Variants in PLB1 observed in about 807,000 individuals in gnomAD.
The protein encoded by PLB1 is phospholipase B1.
Under a neutral mutation model 227.4 loss-of-function variants are expected in PLB1, and 242 were observed. The ratio of observed to expected loss-of-function variants is 1.06; its 90% CI spans 0.96 to 1.18. The LOEUF (loss-of-function observed/expected upper bound fraction) is 1.18, where lower values mean the gene tolerates loss of function less well. Among genes scored for constraint, PLB1 ranks in the 50% most tolerant of loss-of-function variants. The pLI is 0.00. For missense variants in PLB1, 1,858 were observed against 1,816.3 expected (o/e 1.02, Z -0.42); for synonymous variants, 757 against 682.2 (o/e 1.11, Z -1.71).
In PLB1 at chr2:28,589,276, CTGATCTAAAATGTAAA is replaced by C. The variant is rs915376050; in HGVS notation, c.1816-157_1816-142del. Among the ~76,000 whole-genome samples, 12 of 152,262 alleles carry C rather than the reference CTGATCTAAAATGTAAA, an allele frequency of 7.9e-5. No individual in the cohort carries two copies. In the South Asian group the frequency reaches 2.1e-3, roughly 26 times the overall value. On this transcript the variant is annotated intron_variant, in intron 26 of 57. Coordinates refer to ENST00000327757, the MANE Select transcript of PLB1 (RefSeq NM_153021.5). ...TTGGGGCCAGGGGTTGAGATAAAGG[CTGATCTAAAATGTAAA>C]TGATCTAAAATGTAAAATCTCAGTT...
intron 52 of PLB1, among the ~76,000 whole-genome samples, chr2:28,628,864 C>T (rs1688189788): frequency 6.6e-6 from 1 of 152,190 alleles, no homozygotes; most frequent in African/African-American, 2.4e-5. Flanking sequence ...CAGGTTTGCG[C>T]CCAGCACTGT....
rs1444570976 is a variant in PLB1 at position 28,601,280 on chromosome 2, T to C, written c.2555T>C (p.Val852Ala). The change falls in exon 37 of 58, where the codon GTC (valine) becomes GCC (alanine). Residue 852 changes from valine (V) to alanine (A), a missense_variant. Coordinates refer to ENST00000327757, the MANE Select transcript of PLB1 (RefSeq NM_153021.5). ...HRVNFHEDWKVITVLIGGSDL... is the reference protein window; with the variant it reads ...HRVNFHEDWKAITVLIGGSDL... Reference sequence around the variant, plus strand: ...GTAAATTTCCATGAAGACTGGAAGGTCATCACAGTGCTGATCGGAGGCAGC... The same window carrying C: ...GTAAATTTCCATGAAGACTGGAAGGCCATCACAGTGCTGATCGGAGGCAGC... 3.7e-6 allele frequency: 6 copies of C among 1,613,912 alleles called. No homozygotes were observed. Among genetic ancestry groups the C allele is most frequent in the Non-Finnish European group, 5.1e-6 (6 of 1,179,922 alleles).
In PLB1 at chr2:28,504,420, C is replaced by T. The variant is rs143443313; in HGVS notation, c.55+8251C>T. The stretch of plus-strand genomic sequence containing the variant: ...AAATAACTTTGGATTCCCATAAAAA[C>T]TTCAAGTTTGTCTTATTTTAAAAAA... On this transcript the variant is annotated intron_variant, in intron 1 of 57. Coordinates refer to ENST00000327757, the MANE Select transcript of PLB1 (RefSeq NM_153021.5). Among the ~76,000 whole-genome samples the T allele has an allele frequency of 7.1e-4, 108 of 152,162 alleles. 1 individual carries two copies. Among genetic ancestry groups the T allele is most frequent in the African/African-American group, 2.6e-3 (107 of 41,508 alleles).
chr2:28,591,555 C>G lies in PLB1; in HGVS notation c.2128-145C>G, dbSNP rs529043734. 1.2e-5 allele frequency: 9 copies of G among 755,930 alleles called. No homozygotes were observed. The East Asian group carries it at 2.4e-4, about 20-fold the overall frequency. 46.8% of individuals were successfully genotyped at this position (755,930 alleles called of 1,614,324 possible). ...CCGCTACGCAAAATCACCTAGGGAG[C>G]CTTCTTCAAAGGCCCTTTTGAGGCC... On this transcript the variant is annotated intron_variant, in intron 30 of 57. Transcript: ENST00000327757.
At chr2:28,562,486 G>A (rs1676199478) in intron 17 of PLB1, among the ~76,000 whole-genome samples, 1 of 121,052 alleles carries the variant, frequency 8.3e-6, no homozygotes, top group African/African-American at 3.2e-5. Flanking sequence ...AGGTTGTAGT[G>A]AGCCAAGATT....
chr2:28,605,522 ACT>A (rs574429813), intron 41 of PLB1, among the ~76,000 whole-genome samples: 28 of 151,500 alleles, frequency 1.8e-4, no homozygotes, highest in African/African-American at 6.3e-4. Flanking sequence ...CTGGGCTAAG[ACT>A]CTCTGCGGGA....
chr2:28,536,667 A>G (rs757428360), intron 9 of PLB1, among the ~76,000 whole-genome samples: 6 of 152,204 alleles, frequency 3.9e-5, no homozygotes, highest in Non-Finnish European at 7.3e-5. Flanking sequence ...CAGGGGGCAA[A>G]CGATACACAT....
intron 6 of PLB1, among the ~76,000 whole-genome samples, chr2:28,528,687 C>A (rs1053100179): frequency 1.3e-5 from 2 of 152,194 alleles, no homozygotes; most frequent in Admixed American, 1.3e-4. Flanking sequence ...ACTTGGAGAT[C>A]ATATTGCCCT....
At chr2:28,581,481 G>A (rs1020755577) in intron 23 of PLB1, among the ~76,000 whole-genome samples, 2 of 77,758 alleles carry the variant, frequency 2.6e-5, no homozygotes, top group East Asian at 3.0e-4. Context: ...AGAGCTCCAC[G>A]CAAAAAAATA....
chr2:28,516,680 T>C, intron 1 of PLB1, 128 bp from the exon 2 acceptor site: 1 of 778,210 alleles, frequency 1.3e-6, no homozygotes, highest in Non-Finnish European at 2.1e-6. Flanking sequence ...AATCTGGGCT[T>C]CCCTAACACA....
At chr2:28,600,334 G>A (rs977736258) in intron 35 of PLB1, among the ~76,000 whole-genome samples, 9 of 152,196 alleles carry the variant, frequency 5.9e-5, no homozygotes, top group Non-Finnish European at 1.3e-4. Context: ...CGCAGCCATT[G>A]GAGGAAATAA....
Position 28,643,222 on chromosome 2 carries a change from A to T in PLB1, c.*161A>T, listed in dbSNP as rs537467793. ...TGGGGCCTGGGCTTCTTCCAGGCCT[A>T]TGCTCCTGGAATGGATACATTTAAA... On this transcript the variant is annotated 3_prime_UTR_variant, in exon 58 of 58. Transcript: ENST00000327757. 66 of 608,186 alleles carry T rather than the reference A, an allele frequency of 1.1e-4. No individual in the cohort carries two copies. The African/African-American group carries it at 1.1e-3, about 10-fold the overall frequency. 37.7% of individuals were successfully genotyped at this position (608,186 alleles called of 1,614,324 possible).
chr2:28,567,660 G>A (rs544574720), intron 20 of PLB1, among the ~76,000 whole-genome samples: 384 of 152,032 alleles, frequency 2.5e-3, no homozygotes, highest in Middle Eastern at 0.01. Flanking sequence ...TTTTAATAGA[G>A]ACAGGGTTTC....
chr2:28,536,323 A>T (rs1671672846), intron 9 of PLB1, among the ~76,000 whole-genome samples: 1 of 152,226 alleles, frequency 6.6e-6, no homozygotes, highest in Non-Finnish European at 1.5e-5. Context: ...CACAGCAGTG[A>T]CCTGAGGATG....
chr2:28,588,457 A>G (rs538737653), intron 26 of PLB1, among the ~76,000 whole-genome samples: 2 of 152,270 alleles, frequency 1.3e-5, no homozygotes, highest in South Asian at 4.1e-4. Flanking sequence ...CAGACATGAG[A>G]CATTCCTGGC....
At position 28,604,666 on chromosome 2, in the gene PLB1, C is replaced by T. The variant is rs146023795; in HGVS notation, c.2868C>T (p.Arg956=). ...GCATGTGTCCCCAGAGCAGCATGCG[C>T]GAGCTGGTGGGGTCAGGCCGCTATG... ...AFSRAYRSSM[R]ELVGSGRYDT... The change falls in exon 41 of 58, where the codon CGC becomes CGT. Residue 956 remains arginine, a synonymous_variant. Coordinates refer to ENST00000327757, the MANE Select transcript of PLB1 (RefSeq NM_153021.5). 12,491 of 1,613,934 alleles carry T rather than the reference C, an allele frequency of 7.7e-3. 62 individuals are homozygous for T. The highest frequency in any genetic ancestry group is 0.032 in the Middle Eastern group (192 of 6,056).
intron 56 of PLB1, among the ~76,000 whole-genome samples, chr2:28,635,076 G>A (rs188060377): frequency 1.6e-4 from 25 of 152,212 alleles, no homozygotes; most frequent in Non-Finnish European, 3.4e-4. Flanking sequence ...GAGCTATTGT[G>A]GAAACAAAAC....
intron 6 of PLB1, 142 bp from the exon 7 acceptor site, chr2:28,529,175 G>A: frequency 6.5e-6 from 4 of 618,574 alleles, no homozygotes; most frequent in South Asian, 2.0e-5. Flanking sequence ...AAACTCTTGG[G>A]CTCAAGTGAT....
chr2:28,593,248 A>G (rs1682305327), intron 32 of PLB1, among the ~76,000 whole-genome samples: 1 of 152,236 alleles, frequency 6.6e-6, no homozygotes, highest in African/African-American at 2.4e-5. Context: ...CCAGAGGGAA[A>G]GAGGAGAAAT....
Sources: allele counts gnomAD v4.1 joint callset (sites outside exome capture counted in the v4.1 genomes callset), GRCh38; gene constraint gnomAD v4.1.1; transcripts MANE v1.5; gene names NCBI Gene and HGNC (gene_info 2026-07-23, HGNC 2026-07-21).